Variants in SNTB1 observed in about 807,000 individuals in gnomAD.
SNTB1 encodes beta-1-syntrophin.
In SNTB1, 36 loss-of-function variants were observed where a neutral mutation model predicts 48.9. That is an observed-to-expected ratio of 0.74 (90% confidence interval 0.56 to 0.97). The LOEUF is 0.97. Among genes scored for constraint, SNTB1 ranks in the 50% least tolerant of loss-of-function variants. SNTB1 has a pLI of 0.00. For synonymous variants in SNTB1, 299 were observed against 294.6 expected, an observed-to-expected ratio of 1.01 and a Z score of -0.15; for missense variants, 786 against 703.4, an observed-to-expected ratio of 1.12 and a Z score of -1.33.
chr8:120,770,404 T>A (rs543566540), intron 1 of SNTB1, among the ~76,000 whole-genome samples: 1 of 152,152 alleles, frequency 6.6e-6, no homozygotes, highest in Admixed American at 6.5e-5. Flanking sequence ...AAAGCATTTT[T>A]TTTTTTTTTG....
chr8:120,791,199 T>C (rs1453415442), intron 1 of SNTB1, among the ~76,000 whole-genome samples: 1 of 151,376 alleles, frequency 6.6e-6, no homozygotes, highest in Non-Finnish European at 1.5e-5. Flanking sequence ...AAAACATAAA[T>C]TGGGGAAAGG....
intron 2 of SNTB1, chr8:120,636,050 C>CTT (rs879263513): frequency 1.8e-4 from 145 of 817,280 alleles, no homozygotes; most frequent in African/African-American, 1.7e-3. Flanking sequence ...GAACTCAAGG[C>CTT]TTTTTTTTTT....
intron 3 of SNTB1, among the ~76,000 whole-genome samples, chr8:120,609,974 C>T (rs1816594108): frequency 6.6e-6 from 1 of 152,178 alleles, no homozygotes; most frequent in Admixed American, 6.5e-5. Context: ...TTCATATTCT[C>T]CTCCCAAATC....
intron 1 of SNTB1, among the ~76,000 whole-genome samples, chr8:120,706,236 A>G (rs1285791940): frequency 6.6e-6 from 1 of 152,198 alleles, no homozygotes; most frequent in Non-Finnish European, 1.5e-5. Flanking sequence ...CTGTCAAAAT[A>G]AAAAGTGCTT....
intron 2 of SNTB1, among the ~76,000 whole-genome samples, chr8:120,648,900 G>A (rs1300116307): frequency 6.6e-6 from 1 of 151,642 alleles, no homozygotes; most frequent in Non-Finnish European, 1.5e-5. Context: ...TTCCCTTCTT[G>A]CTTCATTTCA....
intron 1 of SNTB1, among the ~76,000 whole-genome samples, chr8:120,779,060 G>A (rs1819786805): frequency 6.6e-6 from 1 of 152,194 alleles, no homozygotes; most frequent in Non-Finnish European, 1.5e-5. Flanking sequence ...ATTATATTGA[G>A]TAAAGAGCAG....
chr8:120,733,170 A>G (rs1818881510), intron 1 of SNTB1, among the ~76,000 whole-genome samples: 2 of 152,228 alleles, frequency 1.3e-5, no homozygotes, highest in African/African-American at 4.8e-5. Flanking sequence ...CGAAATGGTA[A>G]AATATTACAA....
At chr8:120,725,477 G>A (rs1818736664) in intron 1 of SNTB1, among the ~76,000 whole-genome samples, 2 of 152,168 alleles carry the variant, frequency 1.3e-5, no homozygotes, top group African/African-American at 4.8e-5. Flanking sequence ...TTGATGGAAA[G>A]GAAGCACGAG....
At chr8:120,651,452 G>C (rs951324449) in intron 2 of SNTB1, among the ~76,000 whole-genome samples, 3 of 152,192 alleles carry the variant, frequency 2.0e-5, no homozygotes, top group African/African-American at 4.8e-5. Flanking sequence ...AAGTTAATGA[G>C]AGTTGTGGCC....
At chr8:120,652,181 C>T (rs967390660) in intron 2 of SNTB1, among the ~76,000 whole-genome samples, 2 of 152,178 alleles carry the variant, frequency 1.3e-5, no homozygotes, top group Non-Finnish European at 2.9e-5. Context: ...AACTATGCTT[C>T]TTATGGATAT....
At position 120,537,953 on chromosome 8, in the gene SNTB1, G is replaced by A. The variant is rs1415687884; in HGVS notation, c.*924C>T. On this transcript the variant is annotated 3_prime_UTR_variant, in exon 7 of 7. Coordinates refer to ENST00000517992, the MANE Select transcript of SNTB1 (RefSeq NM_021021.4). The stretch of plus-strand genomic sequence containing the variant: ...CACAGGCAAAAACAAGGGTCAGTAA[G>A]TTGCCACTGAAAACCATGAAATGGG... 6.6e-6 allele frequency: 1 copy of A among 152,212 alleles called. No individual in the cohort carries two copies. The highest frequency in any genetic ancestry group is 2.4e-5 in the African/African-American group (1 of 41,460). The allele number at this position is 152,212 out of a possible 1,614,324, so 9.4% of individuals were successfully genotyped here.
chr8:120,645,665 A>G (rs1405837314), intron 2 of SNTB1, among the ~76,000 whole-genome samples: 1 of 128,400 alleles, frequency 7.8e-6, no homozygotes, highest in South Asian at 2.6e-4. Flanking sequence ...TTGGTTCCAT[A>G]TGAACTTTAA....
chr8:120,665,124 G>T (rs1415551029), intron 2 of SNTB1, among the ~76,000 whole-genome samples: 1 of 152,130 alleles, frequency 6.6e-6, no homozygotes, highest in African/African-American at 2.4e-5. Context: ...TGCATTGATT[G>T]CCTTTTTAGT....
At chr8:120,539,164 C>G (rs1257470689) in intron 6 of SNTB1, among the ~76,000 whole-genome samples, 195 bp from the exon 7 acceptor site, 1 of 152,124 alleles carries the variant, frequency 6.6e-6, no homozygotes, top group Admixed American at 6.6e-5. Flanking sequence ...TCTCATATAT[C>G]TTTTTTCCGA....
intron 1 of SNTB1, among the ~76,000 whole-genome samples, chr8:120,727,849 A>G (rs973560418): frequency 6.6e-6 from 1 of 152,136 alleles, no homozygotes; most frequent in African/African-American, 2.4e-5. Context: ...TTGCTATACC[A>G]TATAGCTTCC....
intron 1 of SNTB1, among the ~76,000 whole-genome samples, chr8:120,800,854 T>C (rs1820214390): frequency 6.9e-6 from 1 of 145,294 alleles, no homozygotes; most frequent in Admixed American, 6.7e-5. Flanking sequence ...AAACATAGCC[T>C]GATTTAGCTA....
At chr8:120,560,352 G>A (rs11786755) in intron 4 of SNTB1, among the ~76,000 whole-genome samples, 69,877 of 152,014 alleles carry the variant, frequency 0.46, 18,491 homozygotes, top group Non-Finnish European at 0.61. Context: ...GCTTGGTGGC[G>A]GGCACCTGTG....
intron 2 of SNTB1, among the ~76,000 whole-genome samples, chr8:120,648,653 G>C (rs1233604431): frequency 6.6e-6 from 1 of 151,726 alleles, no homozygotes; most frequent in Non-Finnish European, 1.5e-5. Context: ...TCTTGGAGTT[G>C]CTCTTCTCGA....
chr8:120,682,937 A>G, intron 2 of SNTB1, among the ~76,000 whole-genome samples: 1 of 139,784 alleles, frequency 7.2e-6, no homozygotes, highest in East Asian at 2.1e-4. Flanking sequence ...GCCAGACTGC[A>G]GTGGCGCTAT....
Sources: gnomAD v4.1 joint callset for allele counts (sites outside exome capture counted in the v4.1 genomes callset) on GRCh38, gnomAD v4.1.1 for gene constraint, MANE v1.5 for transcripts, NCBI Gene and HGNC (gene_info 2026-07-23, HGNC 2026-07-21) for gene names.